TFCP2: variants seen among roughly 807,000 people sequenced by gnomAD.
The protein encoded by TFCP2 is alpha-globin transcription factor CP2.
In TFCP2, 33 loss-of-function variants were observed where a neutral mutation model predicts 73.4. That is an observed-to-expected ratio of 0.45 (90% CI 0.34 to 0.60). The LOEUF is 0.60. Among genes scored for constraint, TFCP2 ranks in the 20% least tolerant of loss-of-function variants. The pLI, the probability that TFCP2 is intolerant of heterozygous loss-of-function variation, is 0.01. For synonymous variants in TFCP2, 193 were observed against 211.6 expected (o/e 0.91, Z 0.76); for missense variants, 352 against 604.0 (o/e 0.58, Z 4.37).
intron 1 of TFCP2, among the ~76,000 whole-genome samples, chr12:51,164,903 A>C (rs973702501): frequency 6.6e-6 from 1 of 152,218 alleles, no homozygotes; most frequent in Non-Finnish European, 1.5e-5. Flanking sequence ...AACAAAGAAA[A>C]GTCCAGTATC....
chr12:51,130,238 G>A (rs541545175), intron 1 of TFCP2, among the ~76,000 whole-genome samples: 234 of 152,322 alleles, frequency 1.5e-3, no homozygotes, highest in African/African-American at 5.4e-3. Flanking sequence ...TTGGGAGAAC[G>A]AGGTGGGTGG....
chr12:51,149,274 AG>A (rs970677520), intron 1 of TFCP2, among the ~76,000 whole-genome samples: 3 of 152,104 alleles, frequency 2.0e-5, no homozygotes, highest in Non-Finnish European at 4.4e-5. Context: ...TCAAGGGGAA[AG>A]CATGGGAAGA....
intron 1 of TFCP2, among the ~76,000 whole-genome samples, chr12:51,147,763 G>C (rs1368912589): frequency 6.6e-6 from 1 of 152,094 alleles, no homozygotes; most frequent in South Asian, 2.1e-4. Context: ...GAACCCAAAA[G>C]TAAATGCAAC....
intron 1 of TFCP2, among the ~76,000 whole-genome samples, chr12:51,165,878 G>C (rs1941748255): frequency 1.3e-5 from 2 of 152,190 alleles, no homozygotes; most frequent in South Asian, 4.1e-4. Context: ...GTAGGGCATG[G>C]TGGCACATGC....
intron 1 of TFCP2, among the ~76,000 whole-genome samples, chr12:51,121,277 C>T (rs868670695): frequency 3.3e-5 from 5 of 151,666 alleles, no homozygotes; most frequent in Admixed American, 6.6e-5. Context: ...AAAAATTAGC[C>T]GGGCGCGTTG....
rs868713666 is a variant in TFCP2 at position 51,099,868 on chromosome 12, G to A, written c.1152-89C>T. The A allele has an allele frequency of 7.4e-5, 109 of 1,470,198 alleles. 1 individual carries two copies. In the Middle Eastern group the frequency reaches 9.9e-3, roughly 133 times the overall value. The allele number at this position is 1,470,198 out of a possible 1,614,324, so 91.1% of individuals were successfully genotyped here. A position where few individuals can be genotyped will look rare whatever the true frequency, so the allele number is the denominator to read the frequency against. On this transcript the variant is annotated intron_variant, in intron 11 of 14. Coordinates refer to ENST00000257915, the MANE Select transcript of TFCP2 (RefSeq NM_005653.5). ...GAGAAATTGTGTTTCTACATTAATCGTATAGAGCAGATGAAAATTGGAAGC... is the reference window on the plus strand; with the variant it reads ...GAGAAATTGTGTTTCTACATTAATCATATAGAGCAGATGAAAATTGGAAGC...
intron 8 of TFCP2, among the ~76,000 whole-genome samples, chr12:51,105,660 T>C (rs933535765): frequency 2.0e-5 from 3 of 152,234 alleles, no homozygotes; most frequent in Non-Finnish European, 4.4e-5. Context: ...TATTCGAACT[T>C]AGTAATTAAC....
At chr12:51,108,211 A>G (rs1940303651) in intron 6 of TFCP2, among the ~76,000 whole-genome samples, 1 of 151,764 alleles carries the variant, frequency 6.6e-6, no homozygotes, top group Non-Finnish European at 1.5e-5. Flanking sequence ...GCTTGAACCC[A>G]GGAGACGGAG....
chr12:51,124,976 GA>G, intron 1 of TFCP2: 1 of 738,538 alleles, frequency 1.4e-6, no homozygotes, highest in Non-Finnish European at 2.5e-6. Context: ...CCTGCCTGGA[GA>G]CCAGCTCTCT....
At chr12:51,162,920 AT>A (rs1450717508) in intron 1 of TFCP2, 1 of 152,224 alleles carries the variant, frequency 6.6e-6, no homozygotes, top group Non-Finnish European at 1.5e-5. Context: ...TCAGCAGCAC[AT>A]ATACTAAAGT....
At chr12:51,110,296 T>C (rs1179396444) in intron 5 of TFCP2, among the ~76,000 whole-genome samples, 3 of 152,030 alleles carry the variant, frequency 2.0e-5, no homozygotes, top group Non-Finnish European at 4.4e-5. Flanking sequence ...AGGCCGGGCA[T>C]GGTGGCTCAC....
chr12:51,104,717 T>TA (rs1396813044), intron 8 of TFCP2, among the ~76,000 whole-genome samples: 1 of 151,474 alleles, frequency 6.6e-6, no homozygotes, highest in East Asian at 1.9e-4. Flanking sequence ...AAAACAATTT[T>TA]TTTTTTTTTT....
chr12:51,136,185 T>A (rs1014834115), intron 1 of TFCP2, among the ~76,000 whole-genome samples: 4 of 151,768 alleles, frequency 2.6e-5, no homozygotes, highest in Non-Finnish European at 5.9e-5. Flanking sequence ...GGCAGGTGCC[T>A]GTAGTCCCAG....
intron 1 of TFCP2, among the ~76,000 whole-genome samples, chr12:51,135,516 G>A (rs560548321): frequency 4.8e-4 from 73 of 152,254 alleles, no homozygotes; most frequent in African/African-American, 1.7e-3. Context: ...GTCATCTTCT[G>A]CTGTATTTGT....
intron 1 of TFCP2, among the ~76,000 whole-genome samples, chr12:51,147,380 A>T (rs1238914441): frequency 6.6e-6 from 1 of 152,202 alleles, no homozygotes; most frequent in Non-Finnish European, 1.5e-5. Context: ...ACCATTGGTG[A>T]AAGGAAAACT....
chr12:51,154,242 G>A (rs909319773), intron 1 of TFCP2, among the ~76,000 whole-genome samples: 6 of 152,150 alleles, frequency 3.9e-5, no homozygotes, highest in African/African-American at 1.2e-4. Flanking sequence ...GGGGATCCAA[G>A]ACTCCCATGG....
rs1333176898 is a variant in TFCP2, at chr12:51,109,112, C to A, written c.717+9G>T. On this transcript the variant is annotated intron_variant, in intron 6 of 14. Transcript: ENST00000257915. Reference sequence around the variant, plus strand: ...AGAATCCAAGGGCCAGCACATTGCCCAGGAATACCTTGAAAACTTTGATCT... The same window carrying A: ...AGAATCCAAGGGCCAGCACATTGCCAAGGAATACCTTGAAAACTTTGATCT... 9 of 1,613,606 alleles carry A rather than the reference C, an allele frequency of 5.6e-6. No homozygotes were observed. The African/African-American group carries it at 8.0e-5, about 14-fold the overall frequency.
intron 3 of TFCP2, 99 bp downstream of exon 3, chr12:51,117,572 C>T (rs1940560706): frequency 1.1e-6 from 1 of 877,898 alleles, no homozygotes; most frequent in Non-Finnish European, 1.8e-6. Flanking sequence ...TACCATTAAG[C>T]CATTGGAAGC....
chr12:51,122,253 C>CTT lies in TFCP2; in HGVS notation c.123-3483_123-3482dup, dbSNP rs11347975. The stretch of plus-strand genomic sequence containing the variant: ...GAAACAGTTTTATTTTTTTTCTTTT[C>CTT]TTTTTTTTTTTTTTTTTTTTTTTGA... On this transcript the variant is annotated intron_variant, in intron 1 of 14. Coordinates refer to ENST00000257915, the MANE Select transcript of TFCP2 (RefSeq NM_005653.5). 9.0e-3 allele frequency among the ~76,000 whole-genome samples: 656 copies of CTT among 73,098 alleles called. 9 individuals are homozygous for CTT. Among genetic ancestry groups the CTT allele is most frequent in the Middle Eastern group, 0.03 (3 of 100 alleles). 48.0% of individuals were successfully genotyped at this position (73,098 alleles called of 152,430 possible).
Sources: gnomAD v4.1 joint callset for allele counts (sites outside exome capture counted in the v4.1 genomes callset) on GRCh38, gnomAD v4.1.1 for gene constraint, MANE v1.5 for transcripts, NCBI Gene and HGNC (gene_info 2026-07-23, HGNC 2026-07-21) for gene names.